The following CTNND2 variants were observed in gnomAD, a reference collection of about 807,000 sequenced individuals.
The protein encoded by CTNND2 is catenin delta 2, also known as catenin delta-2.
CTNND2 carries 22 observed loss-of-function variants against 144.4 expected under a neutral mutation model. That is an observed-to-expected ratio of 0.15 (90% CI 0.11 to 0.22). The LOEUF (loss-of-function observed/expected upper bound fraction) is 0.22. Ranked by LOEUF, CTNND2 falls within the 10% of genes least tolerant of loss-of-function variation. The pLI is 1.00. For missense variants in CTNND2, 1,353 were observed against 1,618.8 expected (o/e 0.84, Z 2.82); for synonymous variants, 751 against 695.6 (o/e 1.08, Z -1.25).
At position 11,364,880 on chromosome 5, in the gene CTNND2, T is replaced by C; in HGVS notation, c.1188A>G (p.Arg396=). 6.2e-7 allele frequency: 1 copy of C among 1,611,300 alleles called. No homozygotes were observed. The highest frequency in any genetic ancestry group is 8.5e-7 in the Non-Finnish European group (1 of 1,178,856). The change falls in exon 8 of 22, where the codon CGA becomes CGG. Residue 396 remains arginine (R), a synonymous_variant. Coordinates refer to ENST00000304623, the MANE Select transcript of CTNND2 (RefSeq NM_001332.4). ...QRPGSLAAGS[R]ASYSSQHGHL... ...GCCCATGCTGGCTGCTGTATGAGGC[T>C]CGGGAACCAGCTGAAATAAATCAAC...
intron 1 of CTNND2, among the ~76,000 whole-genome samples, chr5:11,823,789 G>A (rs1283435634): frequency 6.6e-6 from 1 of 152,052 alleles, no homozygotes; most frequent in East Asian, 1.9e-4. Context: ...CCAGGGAAAT[G>A]CTTATAATAA....
intron 2 of CTNND2, among the ~76,000 whole-genome samples, chr5:11,684,110 T>C (rs112066102): frequency 0.012 from 1,727 of 147,880 alleles, 28 homozygotes; most frequent in African/African-American, 0.039. Flanking sequence ...TTATTTTTTA[T>C]TTTTTTTTTT....
Position 10,988,129 on chromosome 5 carries a change from T to C in CTNND2, c.3325A>G (p.Arg1109Gly), listed in dbSNP as rs373490633. Residue 1109 changes from arginine (R) to glycine (G), a missense_variant, in exon 20 of 22, where the codon AGG becomes GGG. Coordinates refer to ENST00000304623, the MANE Select transcript of CTNND2 (RefSeq NM_001332.4). The surrounding 1 kb of genome is among the most constrained non-coding windows in gnomAD (Gnocchi z 5.9). ...CGCTCACCTGTCATGGCATCTTTCC[T>C]GGAAGTGTGTTCGCCTTTAGCTCCG... Reference protein sequence around the residue: ...YHGAKGEHTSRKDAMTAQNTG... With the variant: ...YHGAKGEHTSGKDAMTAQNTG... 14 of 1,614,090 alleles carry C rather than the reference T, an allele frequency of 8.7e-6. No homozygotes were observed. The highest frequency in any genetic ancestry group is 1.0e-5 in the Non-Finnish European group (12 of 1,180,038).
intron 2 of CTNND2, among the ~76,000 whole-genome samples, chr5:11,608,554 C>T (rs577753221): frequency 3.9e-5 from 6 of 152,256 alleles, no homozygotes; most frequent in Admixed American, 2.0e-4. Flanking sequence ...CCCCCTACCC[C>T]ACACAAATAC....
chr5:11,432,401 G>A (rs1164508705), intron 3 of CTNND2, among the ~76,000 whole-genome samples: 1 of 152,090 alleles, frequency 6.6e-6, no homozygotes, highest in Non-Finnish European at 1.5e-5. Flanking sequence ...AGAATGGAGG[G>A]AAATCCCAGG....
At chr5:11,010,924 C>T (rs534444570) in intron 18 of CTNND2, among the ~76,000 whole-genome samples, 13 of 152,306 alleles carry the variant, frequency 8.5e-5, no homozygotes, top group African/African-American at 2.6e-4. Flanking sequence ...TCTCTCATCA[C>T]GAAGGCAAGA....
At chr5:11,150,264 C>T (rs183837977) in intron 12 of CTNND2, among the ~76,000 whole-genome samples, 1 of 152,264 alleles carries the variant, frequency 6.6e-6, no homozygotes, top group African/African-American at 2.4e-5. Flanking sequence ...GCCTCCACCG[C>T]CCCCGCCTAC....
intron 2 of CTNND2, among the ~76,000 whole-genome samples, chr5:11,589,231 C>T (rs549328209): frequency 2.8e-4 from 42 of 151,180 alleles, no homozygotes; most frequent in African/African-American, 9.9e-4. Flanking sequence ...ATCTTCCGTT[C>T]CTTTGCTTTG....
intron 1 of CTNND2, among the ~76,000 whole-genome samples, chr5:11,800,442 A>C (rs1791616501): frequency 6.6e-6 from 1 of 152,186 alleles, no homozygotes; most frequent in South Asian, 2.1e-4. Context: ...TACATAGTAC[A>C]TTTAAAGATG....
chr5:11,506,051 G>T (rs189734576), intron 3 of CTNND2, among the ~76,000 whole-genome samples: 1 of 152,240 alleles, frequency 6.6e-6, no homozygotes, highest in East Asian at 1.9e-4. Flanking sequence ...GTGTCTGTGT[G>T]CATGGTGTCA....
intron 1 of CTNND2, among the ~76,000 whole-genome samples, chr5:11,848,287 T>G (rs1258277484): frequency 2.0e-5 from 3 of 152,172 alleles, no homozygotes; most frequent in Non-Finnish European, 2.9e-5. Flanking sequence ...TTTCAAATTA[T>G]TTTTATTATA....
intron 1 of CTNND2, among the ~76,000 whole-genome samples, chr5:11,894,814 G>T (rs1178602854): frequency 6.6e-6 from 1 of 152,120 alleles, no homozygotes; most frequent in Non-Finnish European, 1.5e-5. Context: ...GTCCCTCCAG[G>T]GTGCTGCAGT....
intron 9 of CTNND2, among the ~76,000 whole-genome samples, chr5:11,263,149 T>C (rs971095386): frequency 2.0e-5 from 3 of 152,216 alleles, no homozygotes; most frequent in Non-Finnish European, 4.4e-5. Flanking sequence ...CATTCAAAGA[T>C]GACTTGATTC....
chr5:11,129,287 A>C (rs143744314), intron 12 of CTNND2, among the ~76,000 whole-genome samples: 33,858 of 73,456 alleles, frequency 0.46, 8,736 homozygotes, highest in Non-Finnish European at 0.56. Context: ...ATTATATAAA[A>C]ATATATAATA....
chr5:11,360,906 A>G (rs915196613), intron 8 of CTNND2, among the ~76,000 whole-genome samples: 1 of 152,248 alleles, frequency 6.6e-6, no homozygotes, highest in African/African-American at 2.4e-5. Flanking sequence ...AAGACCATTA[A>G]GCTCCACAGA....
intron 2 of CTNND2, among the ~76,000 whole-genome samples, chr5:11,575,880 C>T (rs1777935586): frequency 6.6e-6 from 1 of 152,100 alleles, no homozygotes; most frequent in Admixed American, 6.6e-5. Flanking sequence ...TGAACAAGCT[C>T]ATCCATTCCG....
intron 2 of CTNND2, among the ~76,000 whole-genome samples, chr5:11,704,461 G>A (rs116053781): frequency 1.5e-4 from 23 of 152,262 alleles, no homozygotes; most frequent in Non-Finnish European, 2.8e-4. Context: ...GTTGCTACCT[G>A]GCAGAGTGTT....
intron 9 of CTNND2, among the ~76,000 whole-genome samples, chr5:11,247,205 T>C (rs1455829716): frequency 6.6e-6 from 1 of 152,126 alleles, no homozygotes; most frequent in African/African-American, 2.4e-5. Context: ...GGGCAGGAGC[T>C]GAGAGCAGTT....
chr5:11,071,454 C>T (rs1748283789), intron 16 of CTNND2, among the ~76,000 whole-genome samples: 2 of 152,078 alleles, frequency 1.3e-5, no homozygotes, highest in Admixed American at 6.5e-5. Flanking sequence ...GCATGAGAAT[C>T]GTTTGAACCT....
Sources: allele counts gnomAD v4.1 joint callset (sites outside exome capture counted in the v4.1 genomes callset), GRCh38; gene constraint gnomAD v4.1.1; non-coding constraint Gnocchi (gnomAD v3.1); transcripts MANE v1.5; gene names NCBI Gene and HGNC (gene_info 2026-07-23, HGNC 2026-07-21).